Variants in BLTP1 observed in about 807,000 individuals in gnomAD.
The protein encoded by BLTP1 is fragile site-associated protein.
chr4:122,175,390 A>T, the BLTP1 span: 1 of 510,126 alleles, frequency 2.0e-6, no homozygotes, highest in African/African-American at 2.1e-5. Context: ...ACATCCTTAA[A>T]AGTTTCTCTT....
the BLTP1 span, chr4:122,167,859 G>C: frequency 1.0e-6 from 1 of 985,294 alleles, no homozygotes; most frequent in Non-Finnish European, 1.2e-6. Context: ...AGGAAGGGTA[G>C]AGGAAGAGGA....
At chr4:122,237,640 C>CTATA in the BLTP1 span, 1 of 764,636 alleles carries the variant, frequency 1.3e-6, no homozygotes, top group East Asian at 1.3e-4. Flanking sequence ...TGTTTATGGG[C>CTATA]CTGGGATCTA....
chr4:122,163,752 A>G, the BLTP1 span, among the ~76,000 whole-genome samples: 3 of 152,308 alleles, frequency 2.0e-5, no homozygotes, highest in East Asian at 1.9e-4. Flanking sequence ...TCACACAGCT[A>G]TAATTTCAGA....
chr4:122,341,584 C>A, the BLTP1 span: 1 of 751,770 alleles, frequency 1.3e-6, no homozygotes, highest in Non-Finnish European at 1.6e-6. Context: ...ATTTTTTATG[C>A]CCAAATTTTA....
the BLTP1 span, chr4:122,247,213 G>C: frequency 6.2e-7 from 1 of 1,613,272 alleles, no homozygotes. Context: ...ATCAAATTTT[G>C]ATAGGTATGT....
At chr4:122,341,938 C>G in the BLTP1 span, 5 of 496,250 alleles carry the variant, frequency 1.0e-5, no homozygotes, top group Non-Finnish European at 1.3e-5. Flanking sequence ...GAAGAAGAAA[C>G]AGTTTGTCAA....
the BLTP1 span, chr4:122,214,447 T>C: frequency 1.0e-6 from 1 of 964,550 alleles, no homozygotes; most frequent in Non-Finnish European, 1.2e-6. Context: ...TAGTTTAAGC[T>C]TACATGCCAT....
chr4:122,277,016 A>G, the BLTP1 span: 12 of 984,276 alleles, frequency 1.2e-5, no homozygotes, highest in African/African-American at 1.4e-4. Context: ...TGAAATATGT[A>G]TTTTGTGTAT....
chr4:122,155,312 T>G, the BLTP1 span, among the ~76,000 whole-genome samples: 2 of 151,450 alleles, frequency 1.3e-5, no homozygotes, highest in African/African-American at 4.8e-5. Flanking sequence ...TAATGTACAG[T>G]GGGAAGCTAG....
the BLTP1 span, chr4:122,247,492 C>A: frequency 9.4e-7 from 1 of 1,068,456 alleles, no homozygotes. Context: ...GTATTTCTCC[C>A]TATATTGAAC....
chr4:122,360,501 C>T, the BLTP1 span, among the ~76,000 whole-genome samples: 10 of 152,220 alleles, frequency 6.6e-5, no homozygotes, highest in Admixed American at 3.3e-4. Flanking sequence ...AAATCCATTA[C>T]ATCCCAGCAC....
At chr4:122,291,902 T>G in the BLTP1 span, 1 of 837,456 alleles carries the variant, frequency 1.2e-6, no homozygotes, top group African/African-American at 1.8e-5. Flanking sequence ...AGATAAAAGG[T>G]ATTCAAGGTT....
At chr4:122,324,841 T>C in the BLTP1 span, among the ~76,000 whole-genome samples, 18 of 151,906 alleles carry the variant, frequency 1.2e-4, no homozygotes, top group African/African-American at 4.1e-4. Flanking sequence ...CGTAAACTTA[T>C]AGATTATCCA....
the BLTP1 span, chr4:122,207,441 T>C: frequency 6.8e-7 from 1 of 1,460,498 alleles, no homozygotes; most frequent in African/African-American, 1.4e-5. Flanking sequence ...AACTTAATTT[T>C]GTTTAGTTGT....
chr4:122,183,623 C>A, the BLTP1 span: 1 of 549,722 alleles, frequency 1.8e-6, no homozygotes, highest in Non-Finnish European at 2.3e-6. Context: ...TAGGTTTTTG[C>A]TTTGACTCTA....
At chr4:122,211,968 C>A in the BLTP1 span, 2 of 569,824 alleles carry the variant, frequency 3.5e-6, no homozygotes, top group Non-Finnish European at 4.4e-6. Flanking sequence ...ACATCACTTT[C>A]AACAACTTAA....
the BLTP1 span, chr4:122,196,800 T>C: frequency 0.069 from 97,536 of 1,417,096 alleles, 3,690 homozygotes; most frequent in Middle Eastern, 0.084. Context: ...GGGTAATTAT[T>C]ATAATAATAT....
At chr4:122,237,622 A>C in the BLTP1 span, 1 of 757,622 alleles carries the variant, frequency 1.3e-6, no homozygotes, top group South Asian at 6.0e-5. Flanking sequence ...AAGAAGAAAA[A>C]AATTCACTGT....
chr4:122,191,061 A>G, the BLTP1 span, among the ~76,000 whole-genome samples: 1 of 152,164 alleles, frequency 6.6e-6, no homozygotes, highest in Non-Finnish European at 1.5e-5. Context: ...TTTACGGTAA[A>G]ACAAAATGTC....
Sources: gnomAD v4.1 joint callset for allele counts (sites outside exome capture counted in the v4.1 genomes callset) on GRCh38, gnomAD v4.1.1 for gene constraint, MANE v1.5 for transcripts, NCBI Gene and HGNC (gene_info 2026-07-23, HGNC 2026-07-21) for gene names.